Variants in MGAT4C observed in about 807,000 individuals in gnomAD.
MGAT4C encodes the protein MGAT4 family member C, also known as alpha-1,3-mannosyl-glycoprotein 4-beta-N-acetylglucosaminyltransferase C.
In MGAT4C, 19 loss-of-function variants were observed where a neutral mutation model predicts 40.1. The ratio of observed to expected loss-of-function variants is 0.47; its 90% CI spans 0.33 to 0.70. The LOEUF is 0.70. Ranked by LOEUF, MGAT4C falls within the 30% of genes least tolerant of loss-of-function variation. The probability of loss-of-function intolerance (pLI) is 0.02; values close to 1 mark genes in which losing one functional copy is unlikely to be tolerated. For missense variants in MGAT4C, 491 were observed against 563.2 expected (o/e 0.87, Z 1.30); for synonymous variants, 181 against 187.1 (o/e 0.97, Z 0.27).
At chr12:86,434,568 C>A (rs1331115570) in intron 3 of MGAT4C, among the ~76,000 whole-genome samples, 1 of 151,882 alleles carries the variant, frequency 6.6e-6, no homozygotes, top group Non-Finnish European at 1.5e-5. Context: ...GAAGAAATTA[C>A]ATGAAAAACA....
intron 2 of MGAT4C, among the ~76,000 whole-genome samples, chr12:86,651,962 A>C (rs1963710273): frequency 1.3e-5 from 2 of 152,062 alleles, no homozygotes; most frequent in Admixed American, 1.3e-4. Context: ...TGACTGGGTG[A>C]AAACATCTGA....
intron 2 of MGAT4C, among the ~76,000 whole-genome samples, chr12:86,528,667 T>C (rs910253531): frequency 6.6e-6 from 1 of 152,062 alleles, no homozygotes; most frequent in Non-Finnish European, 1.5e-5. Flanking sequence ...GTGAAAATTT[T>C]GTGTTTCTGT....
intron 1 of MGAT4C, among the ~76,000 whole-genome samples, chr12:86,162,869 T>C (rs1270533613): frequency 6.6e-6 from 1 of 152,192 alleles, no homozygotes; most frequent in Non-Finnish European, 1.5e-5. Context: ...CAATACTTTG[T>C]GGGACATTCT....
chr12:86,414,344 C>G (rs919704319), intron 3 of MGAT4C, among the ~76,000 whole-genome samples: 1 of 152,050 alleles, frequency 6.6e-6, no homozygotes, highest in African/African-American at 2.4e-5. Flanking sequence ...AAGAAAAATA[C>G]ATTTTTGTTT....
chr12:86,163,345 CCAT>C (rs1471722891), intron 1 of MGAT4C, among the ~76,000 whole-genome samples: 2 of 151,898 alleles, frequency 1.3e-5, no homozygotes, highest in South Asian at 2.1e-4. Flanking sequence ...GCGCACACCA[CCAT>C]GTTAGGCCAA....
chr12:86,794,295 A>G (rs1952075668), intron 1 of MGAT4C, among the ~76,000 whole-genome samples: 3 of 151,790 alleles, frequency 2.0e-5, no homozygotes, highest in Admixed American at 2.0e-4. Context: ...AATCTTGCTC[A>G]AATAAACTAG....
chr12:86,167,832 G>T (rs1886353267), intron 1 of MGAT4C, among the ~76,000 whole-genome samples: 1 of 152,106 alleles, frequency 6.6e-6, no homozygotes, highest in South Asian at 2.1e-4. Flanking sequence ...TCAAACCACA[G>T]CAGTGAACAT....
chr12:86,229,096 A>C (rs1234543304), intron 1 of MGAT4C, among the ~76,000 whole-genome samples: 1 of 151,930 alleles, frequency 6.6e-6, no homozygotes, highest in Non-Finnish European at 1.5e-5. Context: ...AATATTAATG[A>C]TCATAAGGAA....
At chr12:86,563,639 G>A (rs972110036) in intron 2 of MGAT4C, among the ~76,000 whole-genome samples, 1 of 152,158 alleles carries the variant, frequency 6.6e-6, no homozygotes, top group African/African-American at 2.4e-5. Context: ...CCTTCCCCAA[G>A]GAGACCTCTG....
intron 1 of MGAT4C, among the ~76,000 whole-genome samples, chr12:86,052,767 C>T (rs7980653): frequency 0.23 from 34,993 of 151,768 alleles, 4,944 homozygotes; most frequent in African/African-American, 0.4. Flanking sequence ...ATGGGTTAAA[C>T]TGACAATTCT....
rs571534781 is a variant in MGAT4C, at chr12:86,672,887, C to G, written c.-229+54322G>C. 2.6e-5 allele frequency among the ~76,000 whole-genome samples: 4 copies of G among 151,606 alleles called. No homozygotes were observed. The South Asian group carries it at 6.3e-4, about 24-fold the overall frequency. On this transcript the variant is annotated intron_variant, in intron 2 of 7. Coordinates refer to the MGAT4C transcript ENST00000548651. ...CCCGGTAACAAACCTATATATGTACCCTCTGAATCTAAAAGTTGAAAAAAA... is the reference window on the plus strand; with the variant it reads ...CCCGGTAACAAACCTATATATGTACGCTCTGAATCTAAAAGTTGAAAAAAA...
At chr12:86,272,714 T>TG (rs1436371543) in intron 4 of MGAT4C, among the ~76,000 whole-genome samples, 3 of 151,968 alleles carry the variant, frequency 2.0e-5, no homozygotes, top group Non-Finnish European at 4.4e-5. Context: ...TAGCCAGGTG[T>TG]GGTGGCATGT....
chr12:86,679,186 G>A lies in MGAT4C; in HGVS notation c.-229+48023C>T, dbSNP rs369405549. Among the ~76,000 whole-genome samples, 470 of 152,208 alleles carry A rather than the reference G, an allele frequency of 3.1e-3. 2 individuals are homozygous for A. Among genetic ancestry groups the A allele is most frequent in the Middle Eastern group, 0.014 (4 of 294 alleles). ...TGCATTTTTCTGATAGCCAGTGATG[G>A]TGAGCATTTTTTCATGTGTTTTTTG... On this transcript the variant is annotated intron_variant, in intron 2 of 7. Transcript: ENST00000548651.
At chr12:86,061,032 G>C (rs888809521) in intron 1 of MGAT4C, among the ~76,000 whole-genome samples, 4 of 152,138 alleles carry the variant, frequency 2.6e-5, no homozygotes, top group African/African-American at 9.7e-5. Flanking sequence ...GCCTTGGTTA[G>C]GTGCTTCACT....
intron 1 of MGAT4C, among the ~76,000 whole-genome samples, chr12:86,075,695 CA>C (rs1291493349): frequency 1.3e-5 from 2 of 152,220 alleles, no homozygotes; most frequent in Non-Finnish European, 2.9e-5. Flanking sequence ...TCCCAAACCG[CA>C]ATTCTTGACT....
At chr12:86,217,337 G>A (rs1246466512) in intron 1 of MGAT4C, among the ~76,000 whole-genome samples, 1 of 152,092 alleles carries the variant, frequency 6.6e-6, no homozygotes, top group African/African-American at 2.4e-5. Context: ...ACTACTGCCC[G>A]GGTAATTTTT....
At chr12:86,184,619 C>T (rs1224428194) in intron 1 of MGAT4C, among the ~76,000 whole-genome samples, 3 of 108,218 alleles carry the variant, frequency 2.8e-5, no homozygotes, top group Non-Finnish European at 6.1e-5. Flanking sequence ...AATAAATTAT[C>T]ACATTTTCTT....
intron 2 of MGAT4C, among the ~76,000 whole-genome samples, chr12:86,016,629 T>A (rs546707519): frequency 4.6e-5 from 7 of 152,308 alleles, no homozygotes; most frequent in African/African-American, 1.7e-4. Context: ...AATCTGTGTG[T>A]TAGTTCTGGA....
At chr12:86,038,130 C>G (rs377393122) in intron 2 of MGAT4C, among the ~76,000 whole-genome samples, 1 of 149,468 alleles carries the variant, frequency 6.7e-6, no homozygotes, top group African/African-American at 2.4e-5. Context: ...ATGTGGGGGT[C>G]GAAAGGGCAA....
Sources: allele counts gnomAD v4.1 joint callset (sites outside exome capture counted in the v4.1 genomes callset), GRCh38; gene constraint gnomAD v4.1.1; transcripts MANE v1.5; gene names NCBI Gene and HGNC (gene_info 2026-07-23, HGNC 2026-07-21).